Variants in SYNE2 observed in about 807,000 individuals in gnomAD.
The protein encoded by SYNE2 is spectrin repeat containing nuclear envelope protein 2.
Under a neutral mutation model 856.3 loss-of-function variants are expected in SYNE2, and 431 were observed. The ratio of observed to expected loss-of-function variants is 0.50; its 90% CI spans 0.47 to 0.55. SYNE2 has a LOEUF of 0.55. Among genes scored for constraint, SYNE2 ranks in the 20% least tolerant of loss-of-function variants. The probability of loss-of-function intolerance (pLI) is 0.00; values close to 1 mark genes in which losing one functional copy is unlikely to be tolerated. For synonymous variants in SYNE2, 2,923 were observed against 2,872.3 expected, an observed-to-expected ratio of 1.02 and a Z score of -0.56; for missense variants, 8,129 against 8,023.2, an observed-to-expected ratio of 1.01 and a Z score of -0.50.
intron 88 of SYNE2, chr14:64,162,923 A>C (rs554164330): frequency 4.4e-5 from 8 of 181,972 alleles, no homozygotes; most frequent in Admixed American, 3.2e-4. Context: ...GATAATTTAA[A>C]AATAAAAAAA....
intron 11 of SYNE2, among the ~76,000 whole-genome samples, chr14:63,972,444 T>C (rs1455340220): frequency 2.0e-5 from 3 of 152,192 alleles, no homozygotes; most frequent in Non-Finnish European, 4.4e-5. Context: ...TTTCTTGGTG[T>C]GGCAAAATGA....
At chr14:64,046,553 G>T (rs572993675) in intron 45 of SYNE2, among the ~76,000 whole-genome samples, 3 of 152,064 alleles carry the variant, frequency 2.0e-5, no homozygotes, top group Middle Eastern at 3.2e-3. Context: ...GGGTTTCACC[G>T]TGTTACCCAT....
At chr14:64,220,868 C>T (rs988835322) in intron 111 of SYNE2, among the ~76,000 whole-genome samples, 1 of 152,158 alleles carries the variant, frequency 6.6e-6, no homozygotes, top group African/African-American at 2.4e-5. Context: ...CTCCTGGAGT[C>T]AGGGTTCCTG....
intron 2 of SYNE2, among the ~76,000 whole-genome samples, chr14:63,910,572 T>C (rs1566777960): frequency 6.6e-6 from 1 of 152,212 alleles, no homozygotes; most frequent in Non-Finnish European, 1.5e-5. Context: ...AAAATTATTG[T>C]TTTTCTATGA....
rs2140269081 is a variant in SYNE2, at chr14:64,215,372, C to T, written c.19402+18C>T. On this transcript the variant is annotated intron_variant, in intron 107 of 115. Transcript: ENST00000555002. ...GTCTTCTGGTAGGCCCCCGCCCATG[C>T]ATGTGTCAACATGGCAGCATCCTGT... The T allele has an allele frequency of 1.2e-6, 2 of 1,612,776 alleles. No individual in the cohort carries two copies. Among genetic ancestry groups the T allele is most frequent in the Non-Finnish European group, 1.7e-6 (2 of 1,178,950 alleles).
intron 112 of SYNE2, among the ~76,000 whole-genome samples, chr14:64,221,973 C>T (rs111379996): frequency 1.3e-5 from 2 of 152,144 alleles, no homozygotes; most frequent in Non-Finnish European, 2.9e-5. Flanking sequence ...AACTTAAGGC[C>T]ATTTGAGTGG....
chr14:63,800,046 A>G (rs887286612), intron 1 of SYNE2, among the ~76,000 whole-genome samples: 1 of 152,170 alleles, frequency 6.6e-6, no homozygotes, highest in Non-Finnish European at 1.5e-5. Context: ...TAAGAACTCT[A>G]GTTAAAAAAC....
chr14:64,138,202 TTTC>T (rs1326063539), intron 79 of SYNE2, among the ~76,000 whole-genome samples: 1 of 116,050 alleles, frequency 8.6e-6, no homozygotes, highest in Non-Finnish European at 2.0e-5. Flanking sequence ...GTGATCGTTT[TTTC>T]TTTTCTTTTC....
At chr14:64,139,307 A>G (rs2098122096) in intron 79 of SYNE2, among the ~76,000 whole-genome samples, 1 of 151,970 alleles carries the variant, frequency 6.6e-6, no homozygotes, top group African/African-American at 2.4e-5. Flanking sequence ...AAACAAATTT[A>G]TAGAAGACAT....
chr14:63,954,658 T>C, intron 7 of SYNE2, 61 bp from the exon 8 acceptor site: 3 of 1,439,826 alleles, frequency 2.1e-6, no homozygotes, highest in Non-Finnish European at 2.9e-6. Flanking sequence ...TTGAATATAG[T>C]GGAGGGGGGT....
intron 61 of SYNE2, 121 bp downstream of exon 61, chr14:64,093,601 T>G: frequency 9.8e-7 from 1 of 1,025,414 alleles, no homozygotes; most frequent in East Asian, 2.4e-5. Flanking sequence ...CCTGTTTCTC[T>G]GTAACAATTG....
In SYNE2 at chr14:64,078,552, A is replaced by G; in HGVS notation, c.11109A>G (p.Glu3703=). Residue 3703 remains glutamate, a synonymous_variant, in exon 55 of 116, where the codon GAA becomes GAG. Coordinates refer to ENST00000555002, the MANE Select transcript of SYNE2 (RefSeq NM_182914.3). ...TTAACAATGGGCTTCATAATGTTGA[A>G]AAGATGTTGCAGCAGAAAAGCAAAA... is the stretch of plus-strand genomic sequence containing the variant. ...EEINNGLHNV[E]KMLQQKSKNI... The G allele has an allele frequency of 1.2e-6, 2 of 1,614,196 alleles. No homozygotes were observed. The highest frequency in any genetic ancestry group is 1.7e-6 in the Non-Finnish European group (2 of 1,180,030).
chr14:64,189,538 G>A (rs180983347), intron 98 of SYNE2, among the ~76,000 whole-genome samples: 161 of 152,316 alleles, frequency 1.1e-3, no homozygotes, highest in African/African-American at 3.7e-3. Flanking sequence ...CAGCTCCCAC[G>A]TAGGTTAGAA....
chr14:64,074,322 G>A lies in SYNE2; in HGVS notation c.10866+186G>A, dbSNP rs78761372. On this transcript the variant is annotated intron_variant, in intron 53 of 115. Coordinates refer to ENST00000555002, the MANE Select transcript of SYNE2 (RefSeq NM_182914.3). ...CCAAGGGAGAAGATCAGTGTGGCTG[G>A]AGAGCAGAGAACAGAGTTGAAACAA... is the stretch of plus-strand genomic sequence containing the variant. Among the ~76,000 whole-genome samples the A allele has an allele frequency of 7.8e-3, 1,187 of 152,322 alleles. 19 individuals carry two copies. The highest frequency in any genetic ancestry group is 0.024 in the African/African-American group (1,007 of 41,570).
At position 64,188,807 on chromosome 14, in the gene SYNE2, C is replaced by G. The variant is rs901446095; in HGVS notation, c.17871+99C>G. 9 of 1,297,898 alleles carry G rather than the reference C, an allele frequency of 6.9e-6. No homozygotes were observed. In the Admixed American group the frequency reaches 1.7e-4, roughly 24 times the overall value. 80.4% of individuals were successfully genotyped at this position (1,297,898 alleles called of 1,614,324 possible). On this transcript the variant is annotated intron_variant, in intron 98 of 115. Coordinates refer to ENST00000555002, the MANE Select transcript of SYNE2 (RefSeq NM_182914.3). Reference sequence around the variant, plus strand: ...AACAGGGGCAATGTTACGGGTGTTTCCAGTAGCATTTTAGAAATTTGAAGG... The same window carrying G: ...AACAGGGGCAATGTTACGGGTGTTTGCAGTAGCATTTTAGAAATTTGAAGG...
In SYNE2 at chr14:64,042,642, A is replaced by G. The variant is rs11846753; in HGVS notation, c.7222-5358A>G. Among the ~76,000 whole-genome samples the G allele has an allele frequency of 1.5e-3, 232 of 152,334 alleles. 1 individual carries two copies. The highest frequency in any genetic ancestry group is 5.4e-3 in the African/African-American group (226 of 41,586). Reference sequence around the variant, plus strand: ...TTTTAAAAAATGGGAGTTTGCCTGCACAGCCTCTCTCTTTTTGCCTGCTGC... The same window carrying G: ...TTTTAAAAAATGGGAGTTTGCCTGCGCAGCCTCTCTCTTTTTGCCTGCTGC... On this transcript the variant is annotated intron_variant, in intron 45 of 115. Transcript: ENST00000555002.
At chr14:64,138,399 T>C (rs1167334448) in intron 79 of SYNE2, among the ~76,000 whole-genome samples, 1 of 151,964 alleles carries the variant, frequency 6.6e-6, no homozygotes, top group Admixed American at 6.6e-5. Flanking sequence ...GCATGGCTAA[T>C]TTTATAAAAT....
intron 10 of SYNE2, among the ~76,000 whole-genome samples, chr14:63,966,564 T>C (rs1028784706): frequency 6.7e-6 from 1 of 150,230 alleles, no homozygotes; most frequent in African/African-American, 2.5e-5. Flanking sequence ...GTAACTCTTT[T>C]TTTTCCCCCC....
At chr14:64,101,449 G>A (rs77751681) in intron 63 of SYNE2, among the ~76,000 whole-genome samples, 12,388 of 151,998 alleles carry the variant, frequency 0.082, 849 homozygotes, top group African/African-American at 0.19. Flanking sequence ...TAACTTTTAC[G>A]TATTTTTAAA....
Sources: allele counts gnomAD v4.1 joint callset (sites outside exome capture counted in the v4.1 genomes callset), GRCh38; gene constraint gnomAD v4.1.1; transcripts MANE v1.5; gene names NCBI Gene and HGNC (gene_info 2026-07-23, HGNC 2026-07-21).